Variants in CAMKK2 observed in about 807,000 individuals in gnomAD.
CAMKK2 encodes calcium/calmodulin dependent protein kinase kinase 2.
CAMKK2 carries 30 observed loss-of-function variants against 67.2 expected under a neutral mutation model. The ratio of observed to expected loss-of-function variants is 0.45; its 90% CI spans 0.33 to 0.61. The LOEUF is 0.61. Among genes scored for constraint, CAMKK2 ranks in the 20% least tolerant of loss-of-function variants. CAMKK2 has a pLI of 0.02. For synonymous variants in CAMKK2, 322 were observed against 326.2 expected (o/e 0.99, Z 0.14); for missense variants, 643 against 802.0 (o/e 0.80, Z 2.39).
At chr12:121,255,934 GA>G (rs1406798588) in intron 7 of CAMKK2, 130 bp from the exon 8 acceptor site, 19 of 866,054 alleles carry the variant, frequency 2.2e-5, no homozygotes, top group African/African-American at 2.2e-4. Context: ...CTGGGGAGAG[GA>G]ACAGTCCACT....
intron 14 of CAMKK2, among the ~76,000 whole-genome samples, chr12:121,246,452 A>G (rs1889493433): frequency 6.6e-6 from 1 of 152,042 alleles, no homozygotes; most frequent in Admixed American, 6.6e-5. Flanking sequence ...AGGCTGAGGC[A>G]GAAGAATTGC....
rs567478438 is a variant in CAMKK2, at chr12:121,268,304, G to A, written c.625+334C>T. On this transcript the variant is annotated intron_variant, in intron 5 of 16. Coordinates refer to ENST00000404169, the MANE Select transcript of CAMKK2 (RefSeq NM_001270485.2). ...TAGGAGTGAAATTACTGAGTCATAC[G>A]GTAACACCATGTTTAACTTTTTGAG... Among the ~76,000 whole-genome samples, 29 of 151,834 alleles carry A rather than the reference G, an allele frequency of 1.9e-4. No homozygotes were observed. The East Asian group carries it at 2.1e-3, about 11-fold the overall frequency.
intron 9 of CAMKK2, among the ~76,000 whole-genome samples, chr12:121,255,277 A>ATTATATATAATT (rs1891795569): frequency 9.5e-5 from 6 of 63,000 alleles, no homozygotes; most frequent in African/African-American, 3.9e-4. Flanking sequence ...TATATATATA[A>ATTATATATAATT]TTATATATAT....
At chr12:121,255,104 T>C (rs1891603378) in intron 9 of CAMKK2, among the ~76,000 whole-genome samples, 1 of 144,792 alleles carries the variant, frequency 6.9e-6, no homozygotes, top group African/African-American at 2.6e-5. Context: ...TTTTGAGAGT[T>C]AGATGGGCTC....
intron 6 of CAMKK2, among the ~76,000 whole-genome samples, chr12:121,262,537 G>T: frequency 6.7e-6 from 1 of 149,544 alleles, no homozygotes; most frequent in African/African-American, 2.5e-5. Context: ...TATTACTCAT[G>T]TTAATACGCA....
At position 121,285,847 on chromosome 12, in the gene CAMKK2, A is replaced by G. The variant is rs1030100368; in HGVS notation, c.-60+10791T>C. 6.6e-6 allele frequency among the ~76,000 whole-genome samples: 1 copy of G among 152,120 alleles called. No homozygotes were observed. Among genetic ancestry groups the G allele is most frequent in the African/African-American group, 2.4e-5 (1 of 41,438 alleles). On this transcript the variant is annotated intron_variant, in intron 1 of 16. Coordinates refer to ENST00000404169, the MANE Select transcript of CAMKK2 (RefSeq NM_001270485.2). This position sits in a 1 kb window ranked among gnomAD's most constrained non-coding sequence, Gnocchi z 4.1. ...GTAGATGTGTGACCCAAGTCAGTCT[A>G]TTGGGTCTTATTCTGTGATTTTGTG... is the stretch of plus-strand genomic sequence containing the variant.
chr12:121,249,160 G>C (rs1256931228), intron 13 of CAMKK2, among the ~76,000 whole-genome samples: 1 of 152,230 alleles, frequency 6.6e-6, no homozygotes, highest in East Asian at 1.9e-4. Context: ...ACAGGATCAG[G>C]AGAGGACCCA....
chr12:121,259,257 C>T (rs77402513), intron 7 of CAMKK2, among the ~76,000 whole-genome samples: 2,249 of 152,302 alleles, frequency 0.015, 57 homozygotes, highest in African/African-American at 0.051. Context: ...CATCCCCCAA[C>T]CCAAAACTAG....
At position 121,252,720 on chromosome 12, in the gene CAMKK2, A is replaced by T; in HGVS notation, c.1108-6T>A. ...ATGGCCCAAACATCCAAGGCCTGCA[A>T]GAAAAAGAGCTTAGTGTGAGGGCAT... On this transcript the variant is annotated splice_region_variant and splice_polypyrimidine_tract_variant and intron_variant, in intron 10 of 16. Transcript: ENST00000404169. 6.2e-7 allele frequency: 1 copy of T among 1,614,156 alleles called. No homozygotes were observed.
At chr12:121,252,391 C>T (rs1400228005) in intron 11 of CAMKK2, among the ~76,000 whole-genome samples, 1 of 152,244 alleles carries the variant, frequency 6.6e-6, no homozygotes, top group Non-Finnish European at 1.5e-5. Flanking sequence ...GCTTCAGCCT[C>T]CAGAGTAGCT....
At position 121,240,893 on chromosome 12, in the gene CAMKK2, C is replaced by T. The variant is rs769386564; in HGVS notation, c.1597-24G>A. ...TCCTGCTCACCGAACAGAAAACCAA[C>T]ATTAAGACTCTGAGAAATGCCAGCG... On this transcript the variant is annotated intron_variant, in intron 16 of 16. Coordinates refer to ENST00000404169, the MANE Select transcript of CAMKK2 (RefSeq NM_001270485.2). This position sits in a 1 kb window ranked among gnomAD's most constrained non-coding sequence, Gnocchi z 4.4. 2 of 1,610,502 alleles carry T rather than the reference C, an allele frequency of 1.2e-6. No homozygotes were observed. Among genetic ancestry groups the T allele is most frequent in the Middle Eastern group, 3.3e-4 (2 of 6,044 alleles).
At position 121,274,475 on chromosome 12, in the gene CAMKK2, C is replaced by G. The variant is rs1279204211; in HGVS notation, c.52G>C (p.Asp18His). The G allele has an allele frequency of 6.2e-7, 1 of 1,612,630 alleles. No homozygotes were observed. The highest frequency in any genetic ancestry group is 8.5e-7 in the Non-Finnish European group (1 of 1,179,834). Residue 18 changes from aspartate to histidine, a missense_variant, in exon 2 of 17, where the codon GAT becomes CAT. Asp to His is a moderately conservative substitution (Grantham distance 81, BLOSUM62 -1). Coordinates refer to ENST00000404169, the MANE Select transcript of CAMKK2 (RefSeq NM_001270485.2). ...QPSSNRAAPQ[D>H]ELGGRGSSSS... ...CTGCTGCCCCTGCCCCCCAGCTCAT[C>G]CTGGGGGGCGGCCCGGTTGCTGCTG...
At chr12:121,246,606 G>A (rs1889528093) in intron 14 of CAMKK2, among the ~76,000 whole-genome samples, 1 of 151,966 alleles carries the variant, frequency 6.6e-6, no homozygotes, top group Non-Finnish European at 1.5e-5. Flanking sequence ...TACAGTCACT[G>A]GGACATGCCA....
intron 11 of CAMKK2, among the ~76,000 whole-genome samples, chr12:121,251,691 GTGGCTGGCATC>G (rs1890744249): frequency 6.6e-6 from 1 of 151,924 alleles, no homozygotes; most frequent in Non-Finnish European, 1.5e-5. Context: ...GCCGGGTGTG[GTGGCTGGCATC>G]TGTAGTCCCA....
At chr12:121,260,663 C>T (rs182158616) in intron 6 of CAMKK2, 18 of 520,062 alleles carry the variant, frequency 3.5e-5, no homozygotes, top group African/African-American at 2.8e-4. Context: ...AGAATCCAGC[C>T]TATCTCCGGC....
rs1888157481 is a variant in CAMKK2 at position 121,240,531 on chromosome 12, T to TTTG, written c.*167_*168insCAA. On this transcript the variant is annotated 3_prime_UTR_variant, in exon 17 of 17. Coordinates refer to ENST00000404169, the MANE Select transcript of CAMKK2 (RefSeq NM_001270485.2). The surrounding 1 kb of genome is among the most constrained non-coding windows in gnomAD (Gnocchi z 4.4). Reference sequence around the variant, plus strand: ...ACGTCATGGAGTCAAGTCCTTTTTTTTTTTTTGTCCCCTTTAAAACAACAA... The same window carrying TTTG: ...ACGTCATGGAGTCAAGTCCTTTTTTTTTGTTTTTTGTCCCCTTTAAAACAACAA... 2.0e-6 allele frequency: 3 copies of TTTG among 1,534,840 alleles called. No homozygotes were observed. The highest frequency in any genetic ancestry group is 2.0e-5 in the Admixed American group (1 of 50,726).
In CAMKK2 at chr12:121,269,526, A is replaced by C; in HGVS notation, c.573+2T>G. ...GGCAGGGAGGAGAATGCGGATACTC[A>C]CATAGTAGGTATTGTCATTTTCATT... On this transcript the variant is annotated splice_donor_variant, in intron 4 of 16. Transcript: ENST00000404169. LOFTEE classifies it high-confidence loss of function. The C allele has an allele frequency of 6.2e-7, 1 of 1,601,204 alleles. No individual in the cohort carries two copies. Among genetic ancestry groups the C allele is most frequent in the East Asian group, 2.2e-5 (1 of 44,846 alleles).
At chr12:121,287,647 G>A (rs1338515282) in intron 1 of CAMKK2, among the ~76,000 whole-genome samples, 3 of 152,178 alleles carry the variant, frequency 2.0e-5, no homozygotes, top group African/African-American at 7.2e-5. Flanking sequence ...TGAAAGAATG[G>A]CCCCAGTCAC....
chr12:121,282,688 T>G (rs1898014691), intron 1 of CAMKK2, among the ~76,000 whole-genome samples: 1 of 152,192 alleles, frequency 6.6e-6, no homozygotes, highest in South Asian at 2.1e-4. Flanking sequence ...GGACGAACCC[T>G]GCCAAGGCTT....
Sources: gnomAD v4.1 joint callset for allele counts (sites outside exome capture counted in the v4.1 genomes callset) on GRCh38, gnomAD v4.1.1 for gene constraint, Gnocchi (gnomAD v3.1) non-coding constraint, MANE v1.5 for transcripts, NCBI Gene and HGNC (gene_info 2026-07-23, HGNC 2026-07-21) for gene names.